PDLIM3: variants seen among roughly 807,000 people sequenced by gnomAD.
The protein encoded by PDLIM3 is PDZ and LIM domain protein 3.
PDLIM3 carries 36 observed loss-of-function variants against 37.3 expected under a neutral mutation model. The observed-to-expected ratio is 0.97, with a 90% CI of 0.74 to 1.28. The LOEUF is 1.28. Ranked by LOEUF, PDLIM3 falls within the 50% of genes most tolerant of loss-of-function variation. The pLI is 0.00. For missense variants in PDLIM3, 454 were observed against 485.0 expected (o/e 0.94, Z 0.60); for synonymous variants, 174 against 182.4 (o/e 0.95, Z 0.37).
chr4:185,506,808 C>G, intron 5 of PDLIM3, 156 bp from the exon 6 acceptor site: 1 of 655,466 alleles, frequency 1.5e-6, no homozygotes. Flanking sequence ...TAGTTAAAAG[C>G]ATAATGTGAA....
Position 185,504,595 on chromosome 4 carries a change from C to T in PDLIM3, c.794-9G>A. The T allele has an allele frequency of 6.2e-7, 1 of 1,609,360 alleles. No individual in the cohort carries two copies. Among genetic ancestry groups the T allele is most frequent in the African/African-American group, 1.3e-5 (1 of 74,946 alleles). ...TCCAGCCGGACGGTCATCTGAAAAA[C>T]AAAGCGTTTCCATTTATGGCTAGGG... On this transcript the variant is annotated splice_polypyrimidine_tract_variant and intron_variant, in intron 6 of 7. Coordinates refer to ENST00000284767, the MANE Select transcript of PDLIM3 (RefSeq NM_014476.6). This position sits in a 1 kb window ranked among gnomAD's most constrained non-coding sequence, Gnocchi z 4.7.
chr4:185,513,802 G>C (rs2095710384), intron 4 of PDLIM3: 3 of 1,038,934 alleles, frequency 2.9e-6, no homozygotes, highest in Non-Finnish European at 3.5e-6. Context: ...TATTTGAAAA[G>C]GATGATCTGA....
At chr4:185,503,092 T>C (rs1175233223) in intron 7 of PDLIM3, among the ~76,000 whole-genome samples, 3 of 151,884 alleles carry the variant, frequency 2.0e-5, no homozygotes, top group East Asian at 1.9e-4. Flanking sequence ...TAGCCGGGCG[T>C]GGGCACCTGT....
chr4:185,501,850 G>T lies in PDLIM3; in HGVS notation c.*444C>A, dbSNP rs1183568395. The T allele has an allele frequency of 1.5e-5, 3 of 193,684 alleles. No homozygotes were observed. The highest frequency in any genetic ancestry group is 5.4e-5 in the Admixed American group (1 of 18,476). 12.0% of individuals were successfully genotyped at this position (193,684 alleles called of 1,614,324 possible). A position where few individuals can be genotyped will look rare whatever the true frequency, so the allele number is the denominator to read the frequency against. On this transcript the variant is annotated 3_prime_UTR_variant, in exon 8 of 8. Coordinates refer to ENST00000284767, the MANE Select transcript of PDLIM3 (RefSeq NM_014476.6). ...AATTCAGGGAATTTCTCCCTAACAT[G>T]CACTGTAATAGTTAAAACACATACA...
At chr4:185,505,587 T>C (rs907700427) in intron 6 of PDLIM3, among the ~76,000 whole-genome samples, 1 of 150,928 alleles carries the variant, frequency 6.6e-6, no homozygotes, top group South Asian at 2.1e-4. Context: ...TGCCACTCAC[T>C]CTAGCCTGGG....
rs962010604 is a variant in PDLIM3, at chr4:185,502,161, G to A, written c.*133C>T. 3 of 919,958 alleles carry A rather than the reference G, an allele frequency of 3.3e-6. No individual in the cohort carries two copies. Among genetic ancestry groups the A allele is most frequent in the Admixed American group, 1.9e-5 (1 of 52,316 alleles). 57.0% of individuals were successfully genotyped at this position (919,958 alleles called of 1,614,324 possible). ...ATTCCTTTTCCTCAATAAACAATAG[G>A]ATAAAGGTCTAAAGCCTTGACTTTA... On this transcript the variant is annotated 3_prime_UTR_variant, in exon 8 of 8. Transcript: ENST00000284767.
chr4:185,523,582 T>C, intron 2 of PDLIM3, 136 bp from the exon 3 acceptor site: 1 of 542,362 alleles, frequency 1.8e-6, no homozygotes, highest in East Asian at 3.3e-5. Flanking sequence ...TTTTTTTTGC[T>C]GATTATTCTG....
chr4:185,524,952 A>AT, intron 2 of PDLIM3, 68 bp downstream of exon 2: 1 of 1,511,916 alleles, frequency 6.6e-7, no homozygotes, highest in Non-Finnish European at 9.2e-7. Context: ...GGATGAAGTT[A>AT]TTTATAGTTC....
chr4:185,513,518 T>C (rs2095709910), intron 4 of PDLIM3: 4 of 170,342 alleles, frequency 2.3e-5, no homozygotes, highest in African/African-American at 1.7e-4. Context: ...ACTTAAATTC[T>C]TTTTTTTTTT....
At chr4:185,532,633 A>T (rs1004038593) in intron 1 of PDLIM3, among the ~76,000 whole-genome samples, 1 of 152,150 alleles carries the variant, frequency 6.6e-6, no homozygotes, top group African/African-American at 2.4e-5. Context: ...ACAAAGGGAG[A>T]GGAAAGAAAT....
chr4:185,517,911 A>G (rs1322000536), intron 3 of PDLIM3, among the ~76,000 whole-genome samples: 1 of 152,200 alleles, frequency 6.6e-6, no homozygotes, highest in Non-Finnish European at 1.5e-5. Context: ...TGATGGTCAA[A>G]TGTAATCAAA....
intron 3 of PDLIM3, among the ~76,000 whole-genome samples, chr4:185,519,056 T>G (rs1293222480): frequency 1.3e-5 from 2 of 152,154 alleles, no homozygotes; most frequent in African/African-American, 4.8e-5. Context: ...AGAGCTTCAT[T>G]AACATACTCT....
chr4:185,529,318 T>C (rs770273439), intron 1 of PDLIM3, among the ~76,000 whole-genome samples: 1 of 152,098 alleles, frequency 6.6e-6, no homozygotes, highest in East Asian at 1.9e-4. Context: ...CTTGGATCTG[T>C]TGGGGAAAAA....
chr4:185,509,125 G>A (rs1369391455), intron 4 of PDLIM3, among the ~76,000 whole-genome samples: 2 of 152,146 alleles, frequency 1.3e-5, no homozygotes, highest in Non-Finnish European at 2.9e-5. Context: ...ATAGTAATTG[G>A]TAACTTGTAG....
chr4:185,525,545 T>C (rs2095732310), intron 1 of PDLIM3, among the ~76,000 whole-genome samples: 3 of 152,330 alleles, frequency 2.0e-5, no homozygotes, highest in South Asian at 4.2e-4. Context: ...TACATTCAGG[T>C]TGAAACTGCT....
Position 185,504,575 on chromosome 4 carries a change from CCGGA to C in PDLIM3, c.801_804del (p.Pro268LeufsTer6). 8 of 1,613,900 alleles carry C rather than the reference CCGGA, an allele frequency of 5.0e-6. No individual in the cohort carries two copies. The highest frequency in any genetic ancestry group is 6.8e-6 in the Non-Finnish European group (8 of 1,179,816). On this transcript the variant is annotated frameshift_variant, in exon 7 of 8. Transcript: ENST00000284767. LOFTEE classifies it high-confidence loss of function. This position sits in a 1 kb window ranked among gnomAD's most constrained non-coding sequence, Gnocchi z 4.7. ...GGAGCTCTCACACTCCGCGTTCCAG[CCGGA>C]CGGTCATCTGAAAAACAAAGCGTTT...
chr4:185,524,166 C>G (rs1193052662), intron 2 of PDLIM3, among the ~76,000 whole-genome samples: 1 of 152,094 alleles, frequency 6.6e-6, no homozygotes, highest in African/African-American at 2.4e-5. Context: ...TTACTGGCAT[C>G]AAGGAAATGT....
intron 4 of PDLIM3, 81 bp from the exon 5 acceptor site, chr4:185,508,643 A>C: frequency 2.1e-6 from 3 of 1,439,784 alleles, no homozygotes; most frequent in Non-Finnish European, 2.9e-6. Context: ...GAACACGTAC[A>C]GAGAGGTTAA....
intron 1 of PDLIM3, among the ~76,000 whole-genome samples, chr4:185,530,150 C>T (rs1362914643): frequency 6.6e-6 from 1 of 152,182 alleles, no homozygotes; most frequent in African/African-American, 2.4e-5. Flanking sequence ...GTATGAGTTA[C>T]ACATGAACCA....
Sources: allele counts gnomAD v4.1 joint callset (sites outside exome capture counted in the v4.1 genomes callset), GRCh38; gene constraint gnomAD v4.1.1; non-coding constraint Gnocchi (gnomAD v3.1); transcripts MANE v1.5; gene names NCBI Gene and HGNC (gene_info 2026-07-23, HGNC 2026-07-21).